Variants in SLC41A3 observed in about 807,000 individuals in gnomAD.
SLC41A3 encodes the protein solute carrier family 41 member 3.
Under a neutral mutation model 45.4 loss-of-function variants are expected in SLC41A3, and 44 were observed. The ratio of observed to expected loss-of-function variants is 0.97; its 90% CI spans 0.76 to 1.25. The LOEUF is 1.25. SLC41A3 is among the 50% of genes most tolerant of loss of function. SLC41A3 has a pLI of 0.00. For synonymous variants in SLC41A3, 256 were observed against 252.4 expected, an observed-to-expected ratio of 1.01 and a Z score of -0.13; for missense variants, 550 against 600.6, an observed-to-expected ratio of 0.92 and a Z score of 0.88.
At chr3:126,016,423 G>T (rs935834175) in intron 7 of SLC41A3, among the ~76,000 whole-genome samples, 3 of 152,238 alleles carry the variant, frequency 2.0e-5, no homozygotes. Context: ...CCTGAAAGCC[G>T]CTGTCTCCCT....
chr3:126,055,033 G>A (rs942200144), intron 2 of SLC41A3, among the ~76,000 whole-genome samples: 2 of 151,972 alleles, frequency 1.3e-5, no homozygotes, highest in Admixed American at 1.3e-4. Flanking sequence ...GGGAGGCATC[G>A]TGAGCTCAGA....
intron 3 of SLC41A3, among the ~76,000 whole-genome samples, chr3:126,041,752 G>A (rs1445885456): frequency 2.6e-5 from 4 of 152,224 alleles, no homozygotes. Flanking sequence ...CTGACAAAGA[G>A]TGGCACCAGC....
upstream of SLC41A3, among the ~76,000 whole-genome samples, chr3:126,085,822 TGG>T (rs34930232): frequency 6.7e-6 from 1 of 150,100 alleles, no homozygotes; most frequent in Non-Finnish European, 1.5e-5. Context: ...TGGGAGTGTC[TGG>T]GGGGGGGTTG....
intron 2 of SLC41A3, among the ~76,000 whole-genome samples, chr3:126,051,257 G>A (rs1256544072): frequency 2.0e-5 from 3 of 152,226 alleles, no homozygotes; most frequent in African/African-American, 4.8e-5. Context: ...CAGTATCAGC[G>A]GCCGTAAGCA....
intron 1 of SLC41A3, among the ~76,000 whole-genome samples, chr3:126,075,345 CA>C (rs1172731412): frequency 2.0e-5 from 3 of 151,888 alleles, no homozygotes; most frequent in Non-Finnish European, 4.4e-5. Flanking sequence ...AACTTCAGAA[CA>C]AATTTAACAA....
At chr3:126,090,720 C>A (rs181660450) in intron 1 of SLC41A3, among the ~76,000 whole-genome samples, 314 of 152,284 alleles carry the variant, frequency 2.1e-3, no homozygotes, top group African/African-American at 7.3e-3. Flanking sequence ...CCACTGGGCC[C>A]AGACCTGTTT....
chr3:126,089,776 G>A (rs1296352759), intron 1 of SLC41A3, among the ~76,000 whole-genome samples: 1 of 152,162 alleles, frequency 6.6e-6, no homozygotes, highest in African/African-American at 2.4e-5. Flanking sequence ...GGAAACAATG[G>A]TGCCCAAAAG....
chr3:126,095,359 C>T, intron 1 of SLC41A3: 1 of 544,578 alleles, frequency 1.8e-6, no homozygotes, highest in Non-Finnish European at 3.2e-6. Flanking sequence ...TTGAACACAA[C>T]CACCCACCGG....
At chr3:126,098,752 T>A (rs1316162829) in intron 1 of SLC41A3, among the ~76,000 whole-genome samples, 1 of 152,020 alleles carries the variant, frequency 6.6e-6, no homozygotes. Context: ...CCAGCCAGTC[T>A]CCATCTTTCC....
intron 2 of SLC41A3, among the ~76,000 whole-genome samples, chr3:126,058,695 C>G (rs925629369): frequency 6.6e-6 from 1 of 152,250 alleles, no homozygotes; most frequent in African/African-American, 2.4e-5. Flanking sequence ...GGCCCTTGCT[C>G]ACACAGTGTG....
chr3:126,006,969 G>C lies in SLC41A3; in HGVS notation c.*47C>G. 6.2e-7 allele frequency: 1 copy of C among 1,612,902 alleles called. No homozygotes were observed. ...GAGAAACTGAATTCTGTATCCCACT[G>C]ATGTGAGAGGAAATTCTAATGAGCA... On this transcript the variant is annotated 3_prime_UTR_variant, in exon 11 of 11. Transcript: ENST00000360370.
chr3:126,026,170 A>T lies in SLC41A3; in HGVS notation c.598+165T>A. ...TGAGGGCACAAGGTGGGCCATGAAG[A>T]CCCAGCTGGCTCGTCCCACCCTGCC... On this transcript the variant is annotated intron_variant, in intron 5 of 10. Transcript: ENST00000360370. This position sits in a 1 kb window ranked among gnomAD's most constrained non-coding sequence, Gnocchi z 4.2. The T allele has an allele frequency of 9.5e-7, 1 of 1,050,094 alleles. No homozygotes were observed. The highest frequency in any genetic ancestry group is 1.4e-6 in the Non-Finnish European group (1 of 735,406). The allele number at this position is 1,050,094 out of a possible 1,614,324, so 65.0% of individuals were successfully genotyped here. A position where few individuals can be genotyped will look rare whatever the true frequency, so the allele number is the denominator to read the frequency against.
chr3:126,080,285 G>A (rs1576372198), intron 1 of SLC41A3, among the ~76,000 whole-genome samples: 1 of 151,932 alleles, frequency 6.6e-6, no homozygotes, highest in East Asian at 1.9e-4. Flanking sequence ...CCCACAGAAT[G>A]GAAGAAAATA....
intron 1 of SLC41A3, among the ~76,000 whole-genome samples, chr3:126,071,477 A>G (rs2108038437): frequency 6.6e-6 from 1 of 152,344 alleles, no homozygotes; most frequent in East Asian, 1.9e-4. Flanking sequence ...ACTTCCAACA[A>G]TTGATAATAC....
At chr3:126,095,316 CAGG>C (rs1945575623) in intron 1 of SLC41A3, 2 of 622,600 alleles carry the variant, frequency 3.2e-6, no homozygotes, top group African/African-American at 3.7e-5. Context: ...GGCTGATGCT[CAGG>C]AGGACCCCAA....
chr3:126,065,063 T>C (rs1944279565), intron 2 of SLC41A3, among the ~76,000 whole-genome samples: 1 of 152,244 alleles, frequency 6.6e-6, no homozygotes, highest in South Asian at 2.1e-4. Context: ...CCCTGGCTGA[T>C]AGCCAGCAAG....
rs2107634166 is a variant in SLC41A3, at chr3:126,008,718, G to C, written c.1254+14C>G. 6.2e-7 allele frequency: 1 copy of C among 1,612,856 alleles called. No individual in the cohort carries two copies. The highest frequency in any genetic ancestry group is 1.1e-5 in the South Asian group (1 of 91,022). ...ACACAGCTGCGCACCTCTAATTGCT[G>C]CAGCCAGGCTTACCTGGATCAGGCC... On this transcript the variant is annotated intron_variant, in intron 10 of 10. Transcript: ENST00000360370.
At chr3:126,042,169 T>TA (rs1942636569) in intron 3 of SLC41A3, among the ~76,000 whole-genome samples, 1 of 152,088 alleles carries the variant, frequency 6.6e-6, no homozygotes, top group Admixed American at 6.5e-5. Flanking sequence ...CCCAACATAT[T>TA]AGAGTTCTCA....
At chr3:126,019,287 G>A (rs1940618364) in intron 6 of SLC41A3, among the ~76,000 whole-genome samples, 1 of 152,104 alleles carries the variant, frequency 6.6e-6, no homozygotes, top group African/African-American at 2.4e-5. Flanking sequence ...ATCCATGAAT[G>A]GATTAATCTG....
Sources: gnomAD v4.1 joint callset for allele counts (sites outside exome capture counted in the v4.1 genomes callset) on GRCh38, gnomAD v4.1.1 for gene constraint, Gnocchi (gnomAD v3.1) non-coding constraint, MANE v1.5 for transcripts, NCBI Gene and HGNC (gene_info 2026-07-23, HGNC 2026-07-21) for gene names.